Variants in PBLD observed in about 807,000 individuals in gnomAD.
PBLD encodes the protein phenazine biosynthesis like protein domain containing.
PBLD carries 26 observed loss-of-function variants against 31.3 expected under a neutral mutation model. That is an observed-to-expected ratio of 0.83 (90% CI 0.61 to 1.15). PBLD has a LOEUF of 1.15. PBLD is among the 50% of genes most tolerant of loss of function. The pLI is 0.00. For missense variants in PBLD, 307 were observed against 351.7 expected (o/e 0.87, Z 1.02); for synonymous variants, 114 against 129.0 (o/e 0.88, Z 0.79).
intron 1 of PBLD, among the ~76,000 whole-genome samples, chr10:68,313,886 T>C (rs1033896048): frequency 1.3e-5 from 2 of 152,234 alleles, no homozygotes; most frequent in African/African-American, 4.8e-5. Flanking sequence ...AGGTTCTTTC[T>C]GCTGCTCTGT....
chr10:68,290,162 G>A (rs2044340607), intron 6 of PBLD, among the ~76,000 whole-genome samples: 1 of 152,130 alleles, frequency 6.6e-6, no homozygotes, highest in South Asian at 2.1e-4. Context: ...AGGCCCAGCA[G>A]ATGGTAATTA....
chr10:68,288,092 T>G, intron 8 of PBLD: 1 of 182,600 alleles, frequency 5.5e-6, no homozygotes, highest in Non-Finnish European at 1.2e-5. Flanking sequence ...TAGCTAGTAG[T>G]TATTGGGCAC....
intron 1 of PBLD, among the ~76,000 whole-genome samples, chr10:68,314,246 G>A (rs934992189): frequency 2.6e-4 from 39 of 152,010 alleles, no homozygotes; most frequent in African/African-American, 8.7e-4. Context: ...CAAAGTGCTG[G>A]GATTACAGGC....
At chr10:68,312,512 C>A (rs1041802548) in intron 1 of PBLD, among the ~76,000 whole-genome samples, 5 of 151,512 alleles carry the variant, frequency 3.3e-5, no homozygotes, top group Non-Finnish European at 7.4e-5. Context: ...GGATACTTTG[C>A]CTTTTGTCCA....
At chr10:68,316,508 A>G (rs568958232) in intron 1 of PBLD, among the ~76,000 whole-genome samples, 8 of 152,336 alleles carry the variant, frequency 5.3e-5, no homozygotes, top group Admixed American at 3.9e-4. Flanking sequence ...GACATCATCA[A>G]GTATACCACT....
At chr10:68,316,206 A>C (rs544423523) in intron 1 of PBLD, among the ~76,000 whole-genome samples, 1 of 152,316 alleles carries the variant, frequency 6.6e-6, no homozygotes, top group Non-Finnish European at 1.5e-5. Context: ...AATATGTTCC[A>C]AAAACAAAAG....
At chr10:68,304,696 G>A (rs1183684204) in intron 2 of PBLD, among the ~76,000 whole-genome samples, 1 of 152,142 alleles carries the variant, frequency 6.6e-6, no homozygotes, top group East Asian at 1.9e-4. Flanking sequence ...GATAAAAATG[G>A]AATATATTCT....
intron 1 of PBLD, among the ~76,000 whole-genome samples, chr10:68,309,406 C>CAAAAAAAA (rs58152894): frequency 8.7e-6 from 1 of 114,702 alleles, no homozygotes; most frequent in East Asian, 3.9e-4. Context: ...GATTATGTTT[C>CAAAAAAAA]AAAAAAAAAA....
At chr10:68,297,973 G>GTT (rs2044453570) in intron 2 of PBLD, among the ~76,000 whole-genome samples, 2 of 135,696 alleles carry the variant, frequency 1.5e-5, no homozygotes, top group South Asian at 4.7e-4. Flanking sequence ...AAAAAAAAGA[G>GTT]TAAGGGCTTT....
At chr10:68,304,212 A>T (rs1427913566) in intron 2 of PBLD, among the ~76,000 whole-genome samples, 1 of 152,214 alleles carries the variant, frequency 6.6e-6, no homozygotes, top group Non-Finnish European at 1.5e-5. Context: ...TTTATTGATT[A>T]CGAATTAGGA....
At chr10:68,318,828 G>A (rs1399830971) in intron 1 of PBLD, among the ~76,000 whole-genome samples, 1 of 151,888 alleles carries the variant, frequency 6.6e-6, no homozygotes, top group East Asian at 1.9e-4. Context: ...CACTTTGGGA[G>A]GATGAGGCAA....
At chr10:68,292,358 G>T (rs2044371154) in intron 4 of PBLD, 120 bp from the exon 5 acceptor site, 1 of 857,806 alleles carries the variant, frequency 1.2e-6, no homozygotes. Context: ...CTATGATGGA[G>T]CGAGGTTTGG....
At chr10:68,301,649 TC>T (rs1270316519) in intron 2 of PBLD, among the ~76,000 whole-genome samples, 2 of 152,110 alleles carry the variant, frequency 1.3e-5, no homozygotes, top group Admixed American at 6.6e-5. Flanking sequence ...TGGCGAAACT[TC>T]CTATCTTCGT....
chr10:68,289,682 CACACACACACAT>C lies in PBLD; in HGVS notation c.424-675_424-664del, dbSNP rs1440486101. Among the ~76,000 whole-genome samples the C allele has an allele frequency of 6.8e-3, 1,027 of 151,780 alleles. 16 individuals are homozygous for C. The highest frequency in any genetic ancestry group is 0.023 in the African/African-American group (954 of 41,368). On this transcript the variant is annotated intron_variant, in intron 6 of 9. Coordinates refer to ENST00000358769, the MANE Select transcript of PBLD (RefSeq NM_022129.4). ...CAAAGATCACACACACACACACACACACACACACACATATCTTGACCCAGGTCTGAGAAGGTC... is the reference window on the plus strand; with the variant it reads ...CAAAGATCACACACACACACACACACATCTTGACCCAGGTCTGAGAAGGTC...
At chr10:68,303,296 G>C (rs2044530189) in intron 2 of PBLD, among the ~76,000 whole-genome samples, 1 of 151,918 alleles carries the variant, frequency 6.6e-6, no homozygotes, top group Admixed American at 6.6e-5. Context: ...ATGTTGGCCA[G>C]GGTGGTCTCA....
intron 1 of PBLD, 25 bp downstream of exon 1, chr10:68,332,755 CCCTT>C (rs2045251131): frequency 6.6e-6 from 1 of 152,298 alleles, no homozygotes; most frequent in South Asian, 2.1e-4. Context: ...ACCGCGGCCT[CCCTT>C]CCTCCGCAGT....
chr10:68,289,080 G>A, intron 6 of PBLD, 61 bp from the exon 7 acceptor site: 1 of 1,252,054 alleles, frequency 8.0e-7, no homozygotes, highest in South Asian at 1.2e-5. Flanking sequence ...TTGATCCCCT[G>A]AAATGGGAAA....
intron 1 of PBLD, among the ~76,000 whole-genome samples, chr10:68,328,800 C>CT (rs140395448): frequency 8.5e-4 from 125 of 147,534 alleles, no homozygotes; most frequent in Middle Eastern, 7.0e-3. Context: ...GTTGACAAGA[C>CT]TTTTTTTTTT....
At chr10:68,316,008 A>G (rs2044732146) in intron 1 of PBLD, among the ~76,000 whole-genome samples, 1 of 152,218 alleles carries the variant, frequency 6.6e-6, no homozygotes, top group African/African-American at 2.4e-5. Flanking sequence ...GGTGAAGGGG[A>G]GAATCTGATT....
Sources: gnomAD v4.1 joint callset for allele counts (sites outside exome capture counted in the v4.1 genomes callset) on GRCh38, gnomAD v4.1.1 for gene constraint, MANE v1.5 for transcripts, NCBI Gene and HGNC (gene_info 2026-07-23, HGNC 2026-07-21) for gene names.